IGF2BP3: variants seen among roughly 807,000 people sequenced by gnomAD.
The protein encoded by IGF2BP3 is insulin-like growth factor 2 mRNA-binding protein 3.
Under a neutral mutation model 73.8 loss-of-function variants are expected in IGF2BP3, and 9 were observed. The ratio of observed to expected loss-of-function variants is 0.12; its 90% CI spans 0.07 to 0.21. The LOEUF is 0.21. Among genes scored for constraint, IGF2BP3 ranks in the 10% least tolerant of loss-of-function variants. The pLI, the probability that IGF2BP3 is intolerant of heterozygous loss-of-function variation, is 1.00. For missense variants in IGF2BP3, 542 were observed against 714.0 expected (o/e 0.76, Z 2.75); for synonymous variants, 258 against 256.7 (o/e 1.01, Z -0.05).
intron 2 of IGF2BP3, chr7:23,450,658 T>C (rs1788176328): frequency 6.6e-6 from 1 of 152,198 alleles, no homozygotes; most frequent in Non-Finnish European, 1.5e-5. Flanking sequence ...AACTACCACT[T>C]GGTGTTACAG....
At chr7:23,408,964 A>G (rs1786931666) in intron 3 of IGF2BP3, among the ~76,000 whole-genome samples, 1 of 140,548 alleles carries the variant, frequency 7.1e-6, no homozygotes, top group South Asian at 2.3e-4. Context: ...TTCCACGGAC[A>G]GAGAGTGGGG....
intron 10 of IGF2BP3, among the ~76,000 whole-genome samples, chr7:23,319,706 C>T (rs963434827): frequency 6.6e-6 from 1 of 152,134 alleles, no homozygotes; most frequent in Non-Finnish European, 1.5e-5. Context: ...AGGTTTCACT[C>T]CTTAAACACA....
At chr7:23,372,450 C>T (rs1002447479) in intron 3 of IGF2BP3, among the ~76,000 whole-genome samples, 1 of 152,144 alleles carries the variant, frequency 6.6e-6, no homozygotes, top group African/African-American at 2.4e-5. Flanking sequence ...CTGTACCCAA[C>T]ATGTACTCTT....
chr7:23,449,944 T>G (rs1788158367), intron 2 of IGF2BP3, among the ~76,000 whole-genome samples: 1 of 152,166 alleles, frequency 6.6e-6, no homozygotes, highest in African/African-American at 2.4e-5. Context: ...TGACACACTT[T>G]CAGGAGGTCC....
chr7:23,318,689 C>G (rs998798175), intron 11 of IGF2BP3, among the ~76,000 whole-genome samples: 1 of 152,206 alleles, frequency 6.6e-6, no homozygotes, highest in Non-Finnish European at 1.5e-5. Context: ...TCAACTTCGT[C>G]TGGCCAAGTT....
chr7:23,397,198 C>T (rs1488097278), intron 3 of IGF2BP3, among the ~76,000 whole-genome samples: 1 of 152,158 alleles, frequency 6.6e-6, no homozygotes, highest in Admixed American at 6.5e-5. Flanking sequence ...TTTGCGAGTT[C>T]AGAGAAGCTG....
chr7:23,317,964 C>T (rs1385121571), intron 11 of IGF2BP3: 5 of 517,560 alleles, frequency 9.7e-6, no homozygotes, highest in East Asian at 6.0e-5. Context: ...ATCCTCACCA[C>T]GTCCTGATGA....
intron 12 of IGF2BP3, 79 bp downstream of exon 12, chr7:23,317,560 T>G: frequency 1.0e-6 from 1 of 995,738 alleles, no homozygotes; most frequent in Non-Finnish European, 1.6e-6. Flanking sequence ...GATTTAGACA[T>G]ATTTAAGGGA....
chr7:23,395,868 G>C (rs1278241399), intron 3 of IGF2BP3, among the ~76,000 whole-genome samples: 1 of 152,116 alleles, frequency 6.6e-6, no homozygotes, highest in Non-Finnish European at 1.5e-5. Flanking sequence ...AGAGGTTGCA[G>C]TGAGCTGAGA....
intron 12 of IGF2BP3, 114 bp from the exon 13 acceptor site, chr7:23,313,767 A>G: frequency 2.2e-6 from 2 of 925,720 alleles, no homozygotes; most frequent in Non-Finnish European, 3.2e-6. Context: ...TGATACATCT[A>G]CATTTCATAG....
chr7:23,430,086 CTTTTT>C (rs1156607130), intron 2 of IGF2BP3, among the ~76,000 whole-genome samples: 1 of 138,096 alleles, frequency 7.2e-6, no homozygotes. Context: ...TTCTTTGCCT[CTTTTT>C]TTTTTTTTTT....
chr7:23,419,322 C>A (rs1403324475), intron 2 of IGF2BP3, among the ~76,000 whole-genome samples: 1 of 152,180 alleles, frequency 6.6e-6, no homozygotes, highest in African/African-American at 2.4e-5. Context: ...AATGCTGGCA[C>A]TAAACCACAG....
intron 3 of IGF2BP3, among the ~76,000 whole-genome samples, chr7:23,403,633 T>C (rs1169942882): frequency 2.6e-5 from 4 of 152,202 alleles, no homozygotes; most frequent in South Asian, 2.1e-4. Context: ...CAGAAGAATA[T>C]ACAGTTTAGA....
chr7:23,407,144 A>G (rs1474974788), intron 3 of IGF2BP3, among the ~76,000 whole-genome samples: 1 of 151,898 alleles, frequency 6.6e-6, no homozygotes, highest in African/African-American at 2.4e-5. Context: ...CGAATACTAC[A>G]AAGCTTTATG....
chr7:23,327,620 G>A (rs1303003867), intron 10 of IGF2BP3, among the ~76,000 whole-genome samples: 4 of 152,118 alleles, frequency 2.6e-5, no homozygotes, highest in African/African-American at 9.7e-5. Flanking sequence ...CAGAGCAACA[G>A]TTTTGCTTTC....
intron 5 of IGF2BP3, among the ~76,000 whole-genome samples, chr7:23,360,599 C>T (rs183154100): frequency 6.6e-6 from 1 of 152,174 alleles, no homozygotes; most frequent in Non-Finnish European, 1.5e-5. Context: ...ATACACATTT[C>T]CATCTTCTTC....
At chr7:23,373,587 C>T (rs968162097) in intron 3 of IGF2BP3, among the ~76,000 whole-genome samples, 2 of 151,966 alleles carry the variant, frequency 1.3e-5, no homozygotes, top group African/African-American at 4.8e-5. Flanking sequence ...AAATCAAAAC[C>T]CTCATACATT....
intron 10 of IGF2BP3, among the ~76,000 whole-genome samples, chr7:23,336,574 C>T (rs145120425): frequency 0.018 from 2,676 of 151,830 alleles, 82 homozygotes; most frequent in African/African-American, 0.056. Flanking sequence ...GGCACGATCT[C>T]GGCTCATTGC....
intron 7 of IGF2BP3, among the ~76,000 whole-genome samples, chr7:23,346,362 C>T (rs938323725): frequency 2.0e-5 from 3 of 152,060 alleles, no homozygotes; most frequent in South Asian, 4.1e-4. Flanking sequence ...CAGAACACAA[C>T]GTACAAATAA....
Sources: allele counts gnomAD v4.1 joint callset (sites outside exome capture counted in the v4.1 genomes callset), GRCh38; gene constraint gnomAD v4.1.1; transcripts MANE v1.5; gene names NCBI Gene and HGNC (gene_info 2026-07-23, HGNC 2026-07-21).